The following CDH13 variants were observed in gnomAD, a reference collection of about 807,000 sequenced individuals.
The protein encoded by CDH13 is cadherin 13.
CDH13 carries 24 observed loss-of-function variants against 63.8 expected under a neutral mutation model. That is an observed-to-expected ratio of 0.38 (90% CI 0.27 to 0.53). CDH13 has a LOEUF of 0.53. Ranked by LOEUF, CDH13 falls within the 20% of genes least tolerant of loss-of-function variation. The pLI is 0.85. For missense variants in CDH13, 1,049 were observed against 903.1 expected (o/e 1.16, Z -2.07); for synonymous variants, 503 against 355.3 (o/e 1.42, Z -4.67).
At chr16:83,102,270 A>G (rs1045690542) in intron 3 of CDH13, among the ~76,000 whole-genome samples, 2 of 152,244 alleles carry the variant, frequency 1.3e-5, no homozygotes, top group Non-Finnish European at 2.9e-5. Flanking sequence ...GAAATGTAAG[A>G]TAATAAATGT....
Position 83,360,267 on chromosome 16 carries a change from G to A in CDH13, c.781+15261G>A, listed in dbSNP as rs188233168. On this transcript the variant is annotated intron_variant, in intron 6 of 13. Transcript: ENST00000567109. ...AAATTCTGAATTATCTGAGATATTC[G>A]ACAATGTACCACGTACGGAAAATAC... Among the ~76,000 whole-genome samples the A allele has an allele frequency of 2.0e-5, 3 of 152,242 alleles. No homozygotes were observed. In the East Asian group the frequency reaches 5.8e-4, roughly 29 times the overall value.
At chr16:83,336,994 C>T (rs2151908237) in intron 5 of CDH13, among the ~76,000 whole-genome samples, 1 of 152,282 alleles carries the variant, frequency 6.6e-6, no homozygotes, top group Non-Finnish European at 1.5e-5. Context: ...TCTTTCATGG[C>T]TGAAGATGAG....
intron 1 of CDH13, among the ~76,000 whole-genome samples, chr16:82,763,949 G>T (rs186842419): frequency 1.3e-5 from 2 of 152,176 alleles, no homozygotes; most frequent in Non-Finnish European, 2.9e-5. Flanking sequence ...CTGGGATTAC[G>T]GGTGTGAGCC....
chr16:83,180,677 C>G (rs2038315420), intron 4 of CDH13, among the ~76,000 whole-genome samples: 2 of 152,190 alleles, frequency 1.3e-5, no homozygotes, highest in African/African-American at 4.8e-5. Flanking sequence ...ACTCCCGAAG[C>G]CATGCCTCCT....
At chr16:82,928,978 T>A (rs1184670979) in intron 2 of CDH13, among the ~76,000 whole-genome samples, 1 of 152,212 alleles carries the variant, frequency 6.6e-6, no homozygotes, top group African/African-American at 2.4e-5. Context: ...TGCATAACAT[T>A]ATATTCAATT....
chr16:83,769,501 G>A (rs1914620435), intron 11 of CDH13, among the ~76,000 whole-genome samples: 1 of 152,200 alleles, frequency 6.6e-6, no homozygotes, highest in South Asian at 2.1e-4. Context: ...CTTTAAGTGT[G>A]CTGCTTCATC....
chr16:83,758,153 C>G (rs1913667983), intron 11 of CDH13, among the ~76,000 whole-genome samples: 1 of 151,924 alleles, frequency 6.6e-6, no homozygotes, highest in African/African-American at 2.4e-5. Context: ...CTACATGTTT[C>G]CAAATATTTA....
chr16:83,214,579 C>CAAAAAAA (rs751124100), intron 4 of CDH13, among the ~76,000 whole-genome samples: 1,827 of 39,668 alleles, frequency 0.046, 426 homozygotes, highest in Middle Eastern at 0.062. Flanking sequence ...GACTCTGTCT[C>CAAAAAAA]AAAAAAAAAA....
chr16:83,615,434 G>A (rs747467162), intron 8 of CDH13, among the ~76,000 whole-genome samples: 18 of 152,112 alleles, frequency 1.2e-4, no homozygotes, highest in Non-Finnish European at 2.4e-4. Flanking sequence ...CTTTGAAGCC[G>A]ATTAAATGTT....
intron 8 of CDH13, among the ~76,000 whole-genome samples, chr16:83,629,791 C>T (rs987638914): frequency 6.6e-6 from 1 of 152,212 alleles, no homozygotes; most frequent in African/African-American, 2.4e-5. Flanking sequence ...CACCCAGCAT[C>T]CAATTGGAAA....
chr16:83,707,984 A>G (rs1044396159), intron 10 of CDH13, among the ~76,000 whole-genome samples: 7 of 152,230 alleles, frequency 4.6e-5, no homozygotes, highest in African/African-American at 1.7e-4. Flanking sequence ...CAGCTTAAGC[A>G]GCAGCTGCCA....
intron 8 of CDH13, among the ~76,000 whole-genome samples, chr16:83,635,345 T>C (rs1200248127): frequency 5.8e-5 from 7 of 121,430 alleles, no homozygotes; most frequent in Admixed American, 1.7e-4. Context: ...TTTTTTTTTT[T>C]TTTTTTTTTT....
At chr16:83,001,139 C>T (rs866688565) in intron 2 of CDH13, among the ~76,000 whole-genome samples, 3 of 152,218 alleles carry the variant, frequency 2.0e-5, no homozygotes, top group Admixed American at 6.5e-5. Flanking sequence ...TCGTAAGTCC[C>T]TTGAAGAAAA....
chr16:82,876,315 A>C (rs886598190), intron 2 of CDH13, among the ~76,000 whole-genome samples: 11 of 152,338 alleles, frequency 7.2e-5, no homozygotes, highest in Middle Eastern at 6.8e-3. Flanking sequence ...GTTAAGCCTG[A>C]AACCATCATT....
At chr16:83,116,082 G>A (rs1321025562) in intron 3 of CDH13, among the ~76,000 whole-genome samples, 1 of 152,220 alleles carries the variant, frequency 6.6e-6, no homozygotes, top group African/African-American at 2.4e-5. Context: ...TTGGCTGGGT[G>A]TGACGGAAAG....
intron 5 of CDH13, among the ~76,000 whole-genome samples, chr16:83,228,783 C>A (rs1334244763): frequency 3.9e-5 from 6 of 152,154 alleles, no homozygotes; most frequent in East Asian, 1.9e-4. Flanking sequence ...AGACATGATA[C>A]TCCTGCGGCG....
intron 1 of CDH13, among the ~76,000 whole-genome samples, chr16:82,633,190 G>C (rs1441850832): frequency 1.3e-5 from 2 of 152,226 alleles, no homozygotes; most frequent in Non-Finnish European, 1.5e-5. Context: ...TCTACCAAGA[G>C]CATGGCTGTC....
chr16:83,211,960 A>G (rs2039351586), intron 4 of CDH13, among the ~76,000 whole-genome samples: 1 of 152,170 alleles, frequency 6.6e-6, no homozygotes, highest in Non-Finnish European at 1.5e-5. Flanking sequence ...ACAAAGAATA[A>G]TAGGAAGTTC....
chr16:83,735,690 G>C (rs1307839266), intron 10 of CDH13: 1 of 152,170 alleles, frequency 6.6e-6, no homozygotes, highest in African/African-American at 2.4e-5. Context: ...TCTTTTGTGA[G>C]ATTGACAGTC....
Sources: gnomAD v4.1 joint callset for allele counts (sites outside exome capture counted in the v4.1 genomes callset) on GRCh38, gnomAD v4.1.1 for gene constraint, MANE v1.5 for transcripts, NCBI Gene and HGNC (gene_info 2026-07-23, HGNC 2026-07-21) for gene names.